The following PPP1R12C variants were observed in gnomAD, a reference collection of about 807,000 sequenced individuals.
PPP1R12C encodes the protein protein phosphatase 1 regulatory subunit 12C.
A neutral mutation model predicts 95.6 loss-of-function variants in PPP1R12C; 48 were observed. That is an observed-to-expected ratio of 0.50 (90% CI 0.40 to 0.64). The LOEUF is 0.64. PPP1R12C is among the 30% of genes least tolerant of loss of function. The pLI is 0.00. For synonymous variants in PPP1R12C, 480 were observed against 460.8 expected (o/e 1.04, Z -0.53); for missense variants, 1,057 against 1,083.3 (o/e 0.98, Z 0.34).
intron 4 of PPP1R12C, among the ~76,000 whole-genome samples, chr19:55,101,307 C>A (rs2084976715): frequency 6.6e-6 from 1 of 152,168 alleles, no homozygotes; most frequent in Admixed American, 6.5e-5. Flanking sequence ...TGTCCCCTTA[C>A]AAAGGAGCAG....
At chr19:55,108,088 G>A (rs1001301909) in intron 3 of PPP1R12C, among the ~76,000 whole-genome samples, 13 of 151,466 alleles carry the variant, frequency 8.6e-5, no homozygotes, top group South Asian at 2.1e-4. Flanking sequence ...GGTGTACATC[G>A]CTATGCCCGG....
Position 55,116,784 on chromosome 19 carries a change from G to A in PPP1R12C, c.321+439C>T, listed in dbSNP as rs148148757. Among the ~76,000 whole-genome samples the A allele has an allele frequency of 5.8e-3, 876 of 152,274 alleles. 7 individuals carry two copies. Among genetic ancestry groups the A allele is most frequent in the African/African-American group, 0.02 (833 of 41,550 alleles). ...GACTGAGCTATGGGAGCTGGCTCAG[G>A]TTCAGGAGAGGGCAGGGCAGGGAAG... On this transcript the variant is annotated intron_variant, in intron 1 of 21. Transcript: ENST00000263433.
rs1555850741 is a variant in PPP1R12C at position 55,104,199 on chromosome 19, T to TACAC, written c.572-635_572-632dup. ...AAAAAAGTATATATATATATATATA[T>TACAC]ACACACACACACACATACAAAAATA... On this transcript the variant is annotated intron_variant, in intron 3 of 21. Transcript: ENST00000263433. 6.6e-3 allele frequency among the ~76,000 whole-genome samples: 794 copies of TACAC among 119,992 alleles called. 14 individuals are homozygous for TACAC. The highest frequency in any genetic ancestry group is 0.024 in the African/African-American group (650 of 27,124). The allele number at this position is 119,992 out of a possible 152,430, so 78.7% of individuals were successfully genotyped here.
At chr19:55,104,473 T>A (rs2085016272) in intron 3 of PPP1R12C, among the ~76,000 whole-genome samples, 1 of 151,376 alleles carries the variant, frequency 6.6e-6, no homozygotes, top group Non-Finnish European at 1.5e-5. Context: ...GAGACCAAGG[T>A]GGGCAGATCA....
intron 19 of PPP1R12C, 98 bp from the exon 20 acceptor site, chr19:55,092,007 A>G: frequency 6.9e-7 from 1 of 1,440,060 alleles, no homozygotes; most frequent in East Asian, 2.3e-5. Flanking sequence ...CCCACTAGGC[A>G]GCCCACAAGC....
At position 55,117,593 on chromosome 19, in the gene PPP1R12C, C is replaced by G; in HGVS notation, c.-50G>C. ...CGAGCGAGCGCCGAGCCCCAACCGC[C>G]GCCACCACCCGCCCGCCCGCCCGCC... is the stretch of plus-strand genomic sequence containing the variant. On this transcript the variant is annotated 5_prime_UTR_variant, in exon 1 of 22. Coordinates refer to ENST00000263433, the MANE Select transcript of PPP1R12C (RefSeq NM_017607.4). 2.1e-6 allele frequency: 2 copies of G among 965,968 alleles called. No individual in the cohort carries two copies. Among genetic ancestry groups the G allele is most frequent in the Non-Finnish European group, 2.5e-6 (2 of 812,974 alleles). 59.8% of individuals were successfully genotyped at this position (965,968 alleles called of 1,614,324 possible).
At chr19:55,116,604 A>C (rs2085156620) in intron 1 of PPP1R12C, among the ~76,000 whole-genome samples, 1 of 152,176 alleles carries the variant, frequency 6.6e-6, no homozygotes, top group Non-Finnish European at 1.5e-5. Context: ...AGTGGGCCAG[A>C]GGCGGCGCAG....
chr19:55,093,118 G>C, intron 14 of PPP1R12C, 35 bp downstream of exon 14: 3 of 1,612,986 alleles, frequency 1.9e-6, no homozygotes, highest in Non-Finnish European at 2.5e-6. Flanking sequence ...AGGACATCCC[G>C]CACCACCCCA....
intron 6 of PPP1R12C, 86 bp from the exon 7 acceptor site, chr19:55,096,421 C>A: frequency 6.7e-7 from 1 of 1,482,858 alleles, no homozygotes; most frequent in Non-Finnish European, 9.4e-7. Context: ...TGCAGGAGCT[C>A]ACTGCCCAGG....
chr19:55,112,933 G>A, intron 1 of PPP1R12C, 138 bp from the exon 2 acceptor site: 1 of 1,243,384 alleles, frequency 8.0e-7, no homozygotes, highest in Non-Finnish European at 1.1e-6. Flanking sequence ...AACAGCCTCT[G>A]GCCACTGGCT....
In PPP1R12C at chr19:55,105,927, G is replaced by A. The variant is rs148274359; in HGVS notation, c.572-2359C>T. On this transcript the variant is annotated intron_variant, in intron 3 of 21. Transcript: ENST00000263433. Reference sequence around the variant, plus strand: ...ACCGCACTCCAGCCTGGGAGGCAGCGTGAGATCCTGTCTTAAAAAAAAAAA... The same window carrying A: ...ACCGCACTCCAGCCTGGGAGGCAGCATGAGATCCTGTCTTAAAAAAAAAAA... Among the ~76,000 whole-genome samples the A allele has an allele frequency of 4.4e-3, 662 of 151,328 alleles. 3 individuals carry two copies. The highest frequency in any genetic ancestry group is 0.015 in the African/African-American group (622 of 41,110).
In PPP1R12C at chr19:55,117,246, C is replaced by T. The variant is rs1393954074; in HGVS notation, c.298G>A (p.Asp100Asn). Reference protein sequence around the residue: ...ARAVLDSTNADGISALHQACI... With the variant: ...ARAVLDSTNANGISALHQACI... Reference sequence around the variant, plus strand: ...ACCTGGTGCAGGGCGCTGATACCGTCGGCGTTGGTGGAGTCCAGCACGGCG... The same window carrying T: ...ACCTGGTGCAGGGCGCTGATACCGTTGGCGTTGGTGGAGTCCAGCACGGCG... The change falls in exon 1 of 22, where the codon GAC becomes AAC. Residue 100 changes from aspartate to asparagine, a missense_variant. This residue lies in a region of PPP1R12C where 282 missense variants were observed against 380.4 expected (regional missense o/e 0.74). Transcript: ENST00000263433. 10 of 1,225,252 alleles carry T rather than the reference C, an allele frequency of 8.2e-6. No individual in the cohort carries two copies. The highest frequency in any genetic ancestry group is 1.0e-5 in the Non-Finnish European group (10 of 984,264). The allele number at this position is 1,225,252 out of a possible 1,614,324, so 75.9% of individuals were successfully genotyped here.
rs1191259756 is a variant in PPP1R12C, at chr19:55,117,289, G to C, written c.255C>G (p.Ala85=). ...GCACGGCGCGGGCGGGCGGCGGCGC[G>C]GCGGGGTCGAGCTCGGCGCCGGGGC... The part of the protein sequence containing the change: ...DPGPGAELDP[A]APPPARAVLD... The change falls in exon 1 of 22, where the codon GCC becomes GCG. Residue 85 remains alanine, a synonymous_variant. Transcript: ENST00000263433. 4 of 1,218,140 alleles carry C rather than the reference G, an allele frequency of 3.3e-6. No individual in the cohort carries two copies. Among genetic ancestry groups the C allele is most frequent in the Non-Finnish European group, 4.1e-6 (4 of 980,578 alleles). The allele number at this position is 1,218,140 out of a possible 1,614,324, so 75.5% of individuals were successfully genotyped here. A position where few individuals can be genotyped will look rare whatever the true frequency, so the allele number is the denominator to read the frequency against.
At chr19:55,095,418 C>G in intron 10 of PPP1R12C, 27 bp downstream of exon 10, 1 of 1,561,440 alleles carries the variant, frequency 6.4e-7, no homozygotes, top group African/African-American at 1.4e-5. Flanking sequence ...GGGGCCTGGG[C>G]CTGGACCCGG....
chr19:55,095,352 C>A lies in PPP1R12C; in HGVS notation c.1393G>T (p.Glu465Ter). The change falls in exon 11 of 22, where the codon GAG (glutamate) becomes TAG (stop). Residue 465 changes from glutamate to a stop codon, truncating the protein, a stop_gained. Coordinates refer to ENST00000263433, the MANE Select transcript of PPP1R12C (RefSeq NM_017607.4). LOFTEE classifies it high-confidence loss of function. ...WLEGTSTQAK[E>*]LRLARITPTP... is the part of the protein sequence containing the mutation. ...GGGGTAATTCTGGCAAGACGGAGCT[C>A]CTTGGCCTGTGTGGAGAGGAGAAGG... 1 of 1,591,416 alleles carries A rather than the reference C, an allele frequency of 6.3e-7. No individual in the cohort carries two copies. Among genetic ancestry groups the A allele is most frequent in the Non-Finnish European group, 8.6e-7 (1 of 1,169,162 alleles).
intron 11 of PPP1R12C, chr19:55,095,077 C>G (rs2084894509): frequency 1.4e-6 from 1 of 695,946 alleles, no homozygotes; most frequent in Admixed American, 2.5e-5. Flanking sequence ...GGTCAGTGTG[C>G]ACCTCGGGGT....
At position 55,109,954 on chromosome 19, in the gene PPP1R12C, C is replaced by T. The variant is rs1377523638; in HGVS notation, c.571+2513G>A. Among the ~76,000 whole-genome samples the T allele has an allele frequency of 6.6e-6, 1 of 152,146 alleles. No individual in the cohort carries two copies. Among genetic ancestry groups the T allele is most frequent in the African/African-American group, 2.4e-5 (1 of 41,438 alleles). On this transcript the variant is annotated intron_variant, in intron 3 of 21. Transcript: ENST00000263433. The surrounding 1 kb of genome is among the most constrained non-coding windows in gnomAD (Gnocchi z 4.4). ...TCTTTCCAGTGGCCCCAGTGGTCTT[C>T]GTTCCTGGCTGATCCTACAAGCCAA...
At chr19:55,112,107 A>C in intron 3 of PPP1R12C, 1 of 192,180 alleles carries the variant, frequency 5.2e-6, no homozygotes, top group Middle Eastern at 2.1e-3. Flanking sequence ...AAGTAAACGC[A>C]TCCCCTCCCA....
chr19:55,104,792 T>C (rs191352602), intron 3 of PPP1R12C, among the ~76,000 whole-genome samples: 2 of 151,092 alleles, frequency 1.3e-5, no homozygotes, highest in East Asian at 3.9e-4. Flanking sequence ...TATATATATA[T>C]ATATGGTCTC....
Sources: gnomAD v4.1 joint callset for allele counts (sites outside exome capture counted in the v4.1 genomes callset) on GRCh38, gnomAD v4.1.1 for gene constraint, gnomAD v4.1.1 regional missense constraint, Gnocchi (gnomAD v3.1) non-coding constraint, MANE v1.5 for transcripts, NCBI Gene and HGNC (gene_info 2026-07-23, HGNC 2026-07-21) for gene names.